OSBPL8: variants seen among roughly 807,000 people sequenced by gnomAD.
The protein encoded by OSBPL8 is oxysterol binding protein like 8.
A neutral mutation model predicts 125.5 loss-of-function variants in OSBPL8; 59 were observed. The ratio of observed to expected loss-of-function variants is 0.47; its 90% CI spans 0.38 to 0.58. OSBPL8 has a LOEUF of 0.58. OSBPL8 is among the 20% of genes least tolerant of loss of function. The probability of loss-of-function intolerance (pLI) is 0.00; values close to 1 mark genes in which losing one functional copy is unlikely to be tolerated. For synonymous variants in OSBPL8, 330 were observed against 338.9 expected (o/e 0.97, Z 0.29); for missense variants, 758 against 1,047.8 (o/e 0.72, Z 3.82).
chr12:76,373,209 T>C (rs544272183), intron 18 of OSBPL8, 135 bp downstream of exon 18: 1 of 534,606 alleles, frequency 1.9e-6, no homozygotes, highest in South Asian at 3.6e-5. Flanking sequence ...ACCACCAAAA[T>C]ATCTGCTATT....
chr12:76,369,199 T>C lies in OSBPL8; in HGVS notation c.2328+15A>G, dbSNP rs1565831370. ...AGATTTATATACCTAGTGTACCTAG[T>C]TTTTTATTACATACCATTGGAGTAC... is the stretch of plus-strand genomic sequence containing the variant. On this transcript the variant is annotated intron_variant, in intron 21 of 23. Coordinates refer to ENST00000261183, the MANE Select transcript of OSBPL8 (RefSeq NM_020841.5). 1.9e-6 allele frequency: 3 copies of C among 1,601,436 alleles called. No homozygotes were observed. Among genetic ancestry groups the C allele is most frequent in the South Asian group, 1.1e-5 (1 of 87,628 alleles).
chr12:76,483,399 T>C (rs1422003992), intron 2 of OSBPL8, among the ~76,000 whole-genome samples: 1 of 151,504 alleles, frequency 6.6e-6, no homozygotes, highest in Non-Finnish European at 1.5e-5. Context: ...CCGTCTCTAC[T>C]AAAAATACAA....
chr12:76,501,209 T>C (rs1473714112), intron 1 of OSBPL8, among the ~76,000 whole-genome samples: 1 of 152,208 alleles, frequency 6.6e-6, no homozygotes, highest in Non-Finnish European at 1.5e-5. Context: ...TTAAAATAAA[T>C]GCAGTGCCTT....
intron 4 of OSBPL8, among the ~76,000 whole-genome samples, chr12:76,448,740 T>C (rs866649887): frequency 4.6e-5 from 7 of 152,134 alleles, no homozygotes; most frequent in Non-Finnish European, 8.8e-5. Context: ...AGAGGATGGG[T>C]GCGGTGGCTC....
At chr12:76,491,593 A>G (rs1878720363) in intron 1 of OSBPL8, among the ~76,000 whole-genome samples, 1 of 152,198 alleles carries the variant, frequency 6.6e-6, no homozygotes, top group African/African-American at 2.4e-5. Context: ...CCTTGACTAC[A>G]TGTATTATAA....
At chr12:76,371,200 T>G (rs1952606127) in intron 19 of OSBPL8, 1 of 300,030 alleles carries the variant, frequency 3.3e-6, no homozygotes, top group Non-Finnish European at 5.9e-6. Context: ...CTTTCTTTCT[T>G]TTTTTTTAAG....
rs1951877544 is a variant in OSBPL8 at position 76,353,078 on chromosome 12, A to T, written c.*2811T>A. On this transcript the variant is annotated 3_prime_UTR_variant, in exon 24 of 24. Transcript: ENST00000261183. ...ACATTATAGTTCTGTAACACAAAAA[A>T]TGACAAAAAATATTTTCTTAAAGGC... is the stretch of plus-strand genomic sequence containing the variant. The T allele has an allele frequency of 1.3e-5, 2 of 152,472 alleles. No individual in the cohort carries two copies. The highest frequency in any genetic ancestry group is 2.9e-5 in the Non-Finnish European group (2 of 67,862). The allele number at this position is 152,472 out of a possible 1,614,324, so 9.4% of individuals were successfully genotyped here.
chr12:76,534,057 A>G (rs76727876), intron 1 of OSBPL8, among the ~76,000 whole-genome samples: 3,146 of 152,314 alleles, frequency 0.021, 114 homozygotes, highest in African/African-American at 0.071. Context: ...TAAGAAGGGG[A>G]AAATACCTGA....
At chr12:76,456,976 T>C (rs900187718) in intron 3 of OSBPL8, among the ~76,000 whole-genome samples, 1 of 152,232 alleles carries the variant, frequency 6.6e-6, no homozygotes, top group Non-Finnish European at 1.5e-5. Context: ...TGTCTGCTTC[T>C]TGGGAGCAAC....
chr12:76,424,903 T>G (rs1264891188), intron 4 of OSBPL8, among the ~76,000 whole-genome samples: 1 of 152,136 alleles, frequency 6.6e-6, no homozygotes, highest in Non-Finnish European at 1.5e-5. Flanking sequence ...ATTAACAACA[T>G]AAATTTGACA....
rs765634442 is a variant in OSBPL8, at chr12:76,369,836, G to A, written c.2055-14C>T. On this transcript the variant is annotated splice_polypyrimidine_tract_variant and intron_variant, in intron 19 of 23. Coordinates refer to ENST00000261183, the MANE Select transcript of OSBPL8 (RefSeq NM_020841.5). ...CGTTGCCAGAGTCTAATACATGTGC[G>A]AAAATATTAAAAGTATTAAAAATGT... The A allele has an allele frequency of 1.4e-5, 23 of 1,587,786 alleles. No individual in the cohort carries two copies. In the Middle Eastern group the frequency reaches 5.1e-4, roughly 35 times the overall value.
intron 7 of OSBPL8, among the ~76,000 whole-genome samples, chr12:76,398,662 C>T (rs2136336187): frequency 6.6e-6 from 1 of 152,208 alleles, no homozygotes; most frequent in South Asian, 2.1e-4. Flanking sequence ...AAGAATTATA[C>T]TTTTACTGTA....
chr12:76,533,645 G>T (rs538136028), intron 1 of OSBPL8, among the ~76,000 whole-genome samples: 7 of 152,064 alleles, frequency 4.6e-5, no homozygotes, highest in Non-Finnish European at 7.4e-5. Flanking sequence ...AAACTCAAGC[G>T]CTCAGAAATG....
chr12:76,451,979 C>T (rs534616523), intron 3 of OSBPL8, among the ~76,000 whole-genome samples: 142 of 152,098 alleles, frequency 9.3e-4, no homozygotes, highest in African/African-American at 3.2e-3. Flanking sequence ...ATTAGGCAGA[C>T]GTGTTGGCGC....
At chr12:76,363,861 T>G (rs1407428401) in intron 21 of OSBPL8, among the ~76,000 whole-genome samples, 1 of 152,140 alleles carries the variant, frequency 6.6e-6, no homozygotes, top group East Asian at 1.9e-4. Context: ...AACAGACACT[T>G]TTCAAAAGAA....
chr12:76,450,922 T>G lies in OSBPL8; in HGVS notation c.146A>C (p.Lys49Thr), dbSNP rs745998688. The G allele has an allele frequency of 1.9e-6, 3 of 1,613,984 alleles. No homozygotes were observed. The East Asian group carries it at 6.7e-5, about 36-fold the overall frequency. The change falls in exon 4 of 24, where the codon AAA becomes ACA. Residue 49 changes from lysine (K) to threonine (T), a missense_variant. By Grantham distance (78) the Lys-to-Thr change is moderately conservative (BLOSUM62 -1). This residue lies in a region of OSBPL8 where 117 missense variants were observed against 137.1 expected (regional missense o/e 0.85). Coordinates refer to ENST00000261183, the MANE Select transcript of OSBPL8 (RefSeq NM_020841.5). ...TPGKMSQRQG[K>T]EAYPTPTKDL... ...TTTGGTTGGCGTTGGATAAGCTTCT[T>G]TTCCTTGGCGCTGACTCATCTTTCC...
chr12:76,525,364 T>C (rs1950144120), intron 1 of OSBPL8, among the ~76,000 whole-genome samples: 2 of 152,328 alleles, frequency 1.3e-5, no homozygotes, highest in South Asian at 4.1e-4. Flanking sequence ...GGAAAAGGAA[T>C]ATGTGATATT....
chr12:76,494,736 G>A (rs1045656964), intron 1 of OSBPL8, among the ~76,000 whole-genome samples: 1 of 152,162 alleles, frequency 6.6e-6, no homozygotes, highest in Non-Finnish European at 1.5e-5. Flanking sequence ...TGGGAAAGCA[G>A]GGCAGAGGAT....
intron 5 of OSBPL8, among the ~76,000 whole-genome samples, chr12:76,407,876 TA>T (rs980283636): frequency 2.6e-5 from 4 of 152,170 alleles, no homozygotes; most frequent in African/African-American, 9.7e-5. Context: ...ATTCTAGTTT[TA>T]AGACTTACTA....
Sources: gnomAD v4.1 joint callset for allele counts (sites outside exome capture counted in the v4.1 genomes callset) on GRCh38, gnomAD v4.1.1 for gene constraint, gnomAD v4.1.1 regional missense constraint, MANE v1.5 for transcripts, NCBI Gene and HGNC (gene_info 2026-07-23, HGNC 2026-07-21) for gene names.